The following GSG1L variants were observed in gnomAD, a reference collection of about 807,000 sequenced individuals.
The protein encoded by GSG1L is germ cell-specific gene 1-like protein.
Under a neutral mutation model 42.1 loss-of-function variants are expected in GSG1L, and 24 were observed. The observed-to-expected ratio is 0.57, with a 90% CI of 0.41 to 0.80. The LOEUF (loss-of-function observed/expected upper bound fraction) is 0.80, where lower values mean the gene tolerates loss of function less well. GSG1L is among the 30% of genes least tolerant of loss of function. The pLI is 0.00. For synonymous variants in GSG1L, 215 were observed against 203.5 expected (o/e 1.06, Z -0.48); for missense variants, 445 against 472.2 (o/e 0.94, Z 0.53).
chr16:27,859,929 G>T (rs8057658), intron 3 of GSG1L, among the ~76,000 whole-genome samples: 4 of 151,762 alleles, frequency 2.6e-5, no homozygotes, highest in Non-Finnish European at 5.9e-5. Context: ...CAGCTCTCCC[G>T]CCTCTGCCTC....
chr16:27,956,207 G>C (rs1225089847), intron 2 of GSG1L, among the ~76,000 whole-genome samples: 2 of 152,202 alleles, frequency 1.3e-5, no homozygotes, highest in African/African-American at 4.8e-5. Context: ...GTTGGCCAAA[G>C]TCTGTGCACA....
chr16:28,036,268 G>A (rs2086035124), intron 1 of GSG1L, among the ~76,000 whole-genome samples: 1 of 152,148 alleles, frequency 6.6e-6, no homozygotes, highest in African/African-American at 2.4e-5. Context: ...ACCACCTCCC[G>A]AAGCTGCCTG....
intron 4 of GSG1L, among the ~76,000 whole-genome samples, chr16:27,838,744 A>G (rs1021113976): frequency 2.1e-4 from 32 of 152,292 alleles, no homozygotes; most frequent in African/African-American, 7.7e-4. Flanking sequence ...GCACAGATGC[A>G]TAATCCAGGC....
chr16:28,060,008 AG>A (rs2141203829), intron 1 of GSG1L, among the ~76,000 whole-genome samples: 1 of 152,270 alleles, frequency 6.6e-6, no homozygotes, highest in East Asian at 1.9e-4. Flanking sequence ...ACAGGCAAAC[AG>A]GCGTTGGAGA....
intron 2 of GSG1L, among the ~76,000 whole-genome samples, chr16:27,918,131 A>G (rs1037917310): frequency 2.6e-5 from 4 of 152,204 alleles, no homozygotes; most frequent in African/African-American, 9.7e-5. Context: ...CAGACATTTC[A>G]TTGTATTGCA....
chr16:27,811,315 C>T (rs187623585), intron 5 of GSG1L, among the ~76,000 whole-genome samples: 17 of 152,246 alleles, frequency 1.1e-4, no homozygotes, highest in Middle Eastern at 3.4e-3. Context: ...ATATTCAATA[C>T]CCCCATTGGT....
rs919583907 is a variant in GSG1L at position 28,017,746 on chromosome 16, G to T, written c.349+45330C>A. On this transcript the variant is annotated intron_variant, in intron 1 of 6. Coordinates refer to ENST00000447459, the MANE Select transcript of GSG1L (RefSeq NM_001109763.2). Reference sequence around the variant, plus strand: ...ACTTACAAAACAATGCGTAGAGTCTGCATGTATTTAGATGAAATTCAAGGA... The same window carrying T: ...ACTTACAAAACAATGCGTAGAGTCTTCATGTATTTAGATGAAATTCAAGGA... Among the ~76,000 whole-genome samples, 5 of 152,218 alleles carry T rather than the reference G, an allele frequency of 3.3e-5. No individual in the cohort carries two copies. The East Asian group carries it at 7.7e-4, about 23-fold the overall frequency.
intron 5 of GSG1L, among the ~76,000 whole-genome samples, chr16:27,813,055 C>T (rs1384594194): frequency 6.6e-6 from 1 of 152,174 alleles, no homozygotes; most frequent in Non-Finnish European, 1.5e-5. Flanking sequence ...GCTGGGATTA[C>T]AGGTGTGAGC....
intron 5 of GSG1L, among the ~76,000 whole-genome samples, chr16:27,823,653 C>T (rs1352452005): frequency 6.6e-6 from 1 of 152,136 alleles, no homozygotes; most frequent in Non-Finnish European, 1.5e-5. Context: ...CCACAGAATG[C>T]ATCATACCAG....
At position 28,063,127 on chromosome 16, in the gene GSG1L, T is replaced by G; in HGVS notation, c.298A>C (p.Asn100His). The change falls in exon 1 of 7, where the codon AAT becomes CAT. Residue 100 changes from asparagine to histidine, a missense_variant. By Grantham distance (68) the Asn-to-His change is moderately conservative (BLOSUM62 1). This residue lies in a region of GSG1L where 149 missense variants were observed against 223.3 expected (regional missense o/e 0.67). Coordinates refer to ENST00000447459, the MANE Select transcript of GSG1L (RefSeq NM_001109763.2). The surrounding 1 kb of genome is among the most constrained non-coding windows in gnomAD (Gnocchi z 5.8). ...GAGTACCAGATGCCGGTGTGGAAAT[T>G]CCTGAAGAGGAAGCGGTCGTCGCCG... ...ETGDDRFLFR[N>H]FHTGIWYSCE... The G allele has an allele frequency of 6.9e-7, 1 of 1,439,760 alleles. No individual in the cohort carries two copies. The highest frequency in any genetic ancestry group is 1.3e-5 in the South Asian group (1 of 75,512). 89.2% of individuals were successfully genotyped at this position (1,439,760 alleles called of 1,614,324 possible). A position where few individuals can be genotyped will look rare whatever the true frequency, so the allele number is the denominator to read the frequency against.
At position 27,884,378 on chromosome 16, in the gene GSG1L, G is replaced by T; in HGVS notation, c.550+108C>A. The T allele has an allele frequency of 2.0e-6, 2 of 1,011,010 alleles. No homozygotes were observed. Among genetic ancestry groups the T allele is most frequent in the East Asian group, 2.6e-5 (1 of 37,958 alleles). The allele number at this position is 1,011,010 out of a possible 1,614,324, so 62.6% of individuals were successfully genotyped here. A position where few individuals can be genotyped will look rare whatever the true frequency, so the allele number is the denominator to read the frequency against. On this transcript the variant is annotated intron_variant, in intron 3 of 6. Coordinates refer to ENST00000447459, the MANE Select transcript of GSG1L (RefSeq NM_001109763.2). The surrounding 1 kb of genome is among the most constrained non-coding windows in gnomAD (Gnocchi z 4.4). ...CGATAAAACTGAGGCTCACAGAAGA[G>T]AAGCAATTTGTCCAATGCCTCCCGG...
chr16:28,030,189 G>A (rs768622398), intron 1 of GSG1L, among the ~76,000 whole-genome samples: 15 of 152,100 alleles, frequency 9.9e-5, no homozygotes, highest in Non-Finnish European at 1.3e-4. Flanking sequence ...ATTCTCCTTC[G>A]GGGAACCAGC....
chr16:27,801,941 T>C (rs1717365272), intron 6 of GSG1L, among the ~76,000 whole-genome samples: 1 of 152,138 alleles, frequency 6.6e-6, no homozygotes, highest in South Asian at 2.1e-4. Flanking sequence ...TGTGATTAGA[T>C]CTAGGGGACT....
At chr16:27,852,141 G>T (rs1461047355) in intron 3 of GSG1L, among the ~76,000 whole-genome samples, 1 of 152,244 alleles carries the variant, frequency 6.6e-6, no homozygotes, top group African/African-American at 2.4e-5. Flanking sequence ...TTATTACTGA[G>T]AACACGCAGT....
chr16:27,941,418 C>A (rs1484131748), intron 2 of GSG1L, among the ~76,000 whole-genome samples: 1 of 150,366 alleles, frequency 6.7e-6, no homozygotes, highest in Non-Finnish European at 1.5e-5. Context: ...TGCCTGTAAT[C>A]CCAACACTTT....
rs1021807731 is a variant in GSG1L at position 27,938,067 on chromosome 16, G to A, written c.397+25089C>T. Reference sequence around the variant, plus strand: ...AGAGAGATTCTGATTGGTCCAGTTGGAGCCGGGTCCAGCTCAGGTCCAGTG... The same window carrying A: ...AGAGAGATTCTGATTGGTCCAGTTGAAGCCGGGTCCAGCTCAGGTCCAGTG... On this transcript the variant is annotated intron_variant, in intron 2 of 6. Transcript: ENST00000447459. Among the ~76,000 whole-genome samples, 10 of 152,098 alleles carry A rather than the reference G, an allele frequency of 6.6e-5. 1 individual carries two copies. Among genetic ancestry groups the A allele is most frequent in the Admixed American group, 5.9e-4 (9 of 15,282 alleles).
chr16:27,967,468 G>A (rs757295573), intron 1 of GSG1L, among the ~76,000 whole-genome samples: 2 of 152,126 alleles, frequency 1.3e-5, no homozygotes, highest in African/African-American at 2.4e-5. Context: ...CTTGTGCTCC[G>A]TACTGAGATG....
chr16:28,009,720 C>T (rs971028245), intron 1 of GSG1L, among the ~76,000 whole-genome samples: 1 of 152,202 alleles, frequency 6.6e-6, no homozygotes, highest in Non-Finnish European at 1.5e-5. Flanking sequence ...GGCCTTGGGT[C>T]GGCAAGCCTA....
At position 28,063,201 on chromosome 16, in the gene GSG1L, G is replaced by T; in HGVS notation, c.224C>A (p.Thr75Asn). Residue 75 changes from threonine to asparagine, a missense_variant, in exon 1 of 7, where the codon ACC becomes AAC. This residue lies in a region of GSG1L where 156 missense variants were observed against 128.3 expected (regional missense o/e 1.22). Coordinates refer to ENST00000447459, the MANE Select transcript of GSG1L (RefSeq NM_001109763.2). The surrounding 1 kb of genome is among the most constrained non-coding windows in gnomAD (Gnocchi z 5.8). Reference sequence around the variant, plus strand: ...GCCAGGGGGGCCGTTCCCCGAGGCGGTGGCGGCGGCGGCGGCGGCGGCGGG... The same window carrying T: ...GCCAGGGGGGCCGTTCCCCGAGGCGTTGGCGGCGGCGGCGGCGGCGGCGGG... ...AAPAAAAAAA[T>N]ASGNGPPGGA... 1 of 1,289,630 alleles carries T rather than the reference G, an allele frequency of 7.8e-7. No homozygotes were observed. 79.9% of individuals were successfully genotyped at this position (1,289,630 alleles called of 1,614,324 possible).
Sources: allele counts gnomAD v4.1 joint callset (sites outside exome capture counted in the v4.1 genomes callset), GRCh38; gene constraint gnomAD v4.1.1; regional missense constraint gnomAD v4.1.1; non-coding constraint Gnocchi (gnomAD v3.1); transcripts MANE v1.5; gene names NCBI Gene and HGNC (gene_info 2026-07-23, HGNC 2026-07-21).